The following MAN1A2 variants were observed in gnomAD, a reference collection of about 807,000 sequenced individuals.
The protein encoded by MAN1A2 is mannosidase alpha class 1A member 2.
Under a neutral mutation model 75.7 loss-of-function variants are expected in MAN1A2, and 26 were observed. The observed-to-expected ratio is 0.34, with a 90% CI of 0.25 to 0.48. MAN1A2 has a LOEUF of 0.48. Among genes scored for constraint, MAN1A2 ranks in the 20% least tolerant of loss-of-function variants. The probability of loss-of-function intolerance (pLI) is 0.99; values close to 1 mark genes in which losing one functional copy is unlikely to be tolerated. For missense variants in MAN1A2, 562 were observed against 775.5 expected, an observed-to-expected ratio of 0.72 and a Z score of 3.27; for synonymous variants, 247 against 264.6, an observed-to-expected ratio of 0.93 and a Z score of 0.65.
At chr1:117,392,144 A>G (rs1052544779) in intron 1 of MAN1A2, among the ~76,000 whole-genome samples, 7 of 152,134 alleles carry the variant, frequency 4.6e-5, no homozygotes, top group African/African-American at 1.7e-4. Flanking sequence ...AAGTACAATC[A>G]TGCCATTTTC....
rs149906906 is a variant in MAN1A2, at chr1:117,452,170, G to A, written c.951-8319G>A. ...AAAAATACAGAAACTCGCTGGGCAT[G>A]GTGGTGCATGCCTGTAATCCCAGCT... On this transcript the variant is annotated intron_variant, in intron 6 of 12. Transcript: ENST00000356554. Among the ~76,000 whole-genome samples, 583 of 152,100 alleles carry A rather than the reference G, an allele frequency of 3.8e-3. 7 individuals carry two copies. The highest frequency in any genetic ancestry group is 0.013 in the African/African-American group (554 of 41,478).
intron 5 of MAN1A2, among the ~76,000 whole-genome samples, chr1:117,422,628 G>C (rs1354247167): frequency 6.6e-6 from 1 of 152,034 alleles, no homozygotes; most frequent in East Asian, 1.9e-4. Context: ...TAGATACATA[G>C]TAGTATCTCA....
At chr1:117,368,711 G>A (rs138982690) in intron 1 of MAN1A2, among the ~76,000 whole-genome samples, 1 of 151,972 alleles carries the variant, frequency 6.6e-6, no homozygotes, top group Admixed American at 6.6e-5. Context: ...TACCTAAGTC[G>A]TTCTTCTCTT....
At chr1:117,481,090 G>C (rs756780169) in intron 8 of MAN1A2, among the ~76,000 whole-genome samples, 8 of 151,816 alleles carry the variant, frequency 5.3e-5, no homozygotes, top group Admixed American at 5.3e-4. Flanking sequence ...AGCATCCACT[G>C]TTCTGCCCAG....
chr1:117,405,067 A>G (rs1390213781), intron 2 of MAN1A2, among the ~76,000 whole-genome samples: 3 of 152,154 alleles, frequency 2.0e-5, no homozygotes, highest in Admixed American at 2.0e-4. Context: ...AATAAATAAA[A>G]TAAATTTTAA....
Position 117,443,236 on chromosome 1 carries a change from G to T in MAN1A2, c.950+911G>T, listed in dbSNP as rs143574838. Among the ~76,000 whole-genome samples, 109 of 152,232 alleles carry T rather than the reference G, an allele frequency of 7.2e-4. 1 individual carries two copies. The highest frequency in any genetic ancestry group is 2.6e-3 in the African/African-American group (108 of 41,540). ...CTTTAGTAAAATTTTTCTAATTGAA[G>T]AACTTTATTGAGTTTAGATTTACAT... is the stretch of plus-strand genomic sequence containing the variant. On this transcript the variant is annotated intron_variant, in intron 6 of 12. Transcript: ENST00000356554.
intron 5 of MAN1A2, among the ~76,000 whole-genome samples, chr1:117,429,279 G>A (rs964728410): frequency 6.4e-5 from 9 of 141,404 alleles, no homozygotes; most frequent in Non-Finnish European, 9.4e-5. Flanking sequence ...CCACAAAGCC[G>A]CCATTGTCAT....
At chr1:117,393,510 A>T (rs527730730) in intron 1 of MAN1A2, among the ~76,000 whole-genome samples, 2 of 150,936 alleles carry the variant, frequency 1.3e-5, no homozygotes, top group South Asian at 4.2e-4. Flanking sequence ...GTTTTCCTGG[A>T]TTCTCTGAAA....
intron 11 of MAN1A2, 70 bp from the exon 12 acceptor site, chr1:117,502,785 T>G: frequency 2.6e-6 from 2 of 775,824 alleles, no homozygotes; most frequent in Non-Finnish European, 4.5e-6. Context: ...CTATTGTCCT[T>G]CAAAGTTTTG....
intron 4 of MAN1A2, among the ~76,000 whole-genome samples, chr1:117,416,735 G>C (rs1191687128): frequency 1.3e-5 from 2 of 152,184 alleles, no homozygotes; most frequent in Admixed American, 6.6e-5. Context: ...ACAATGGGAA[G>C]AGGTTGGGAT....
intron 1 of MAN1A2, among the ~76,000 whole-genome samples, chr1:117,399,857 C>CT (rs773250766): frequency 4.8e-4 from 73 of 152,192 alleles, no homozygotes; most frequent in Non-Finnish European, 7.9e-4. Flanking sequence ...TGGTAGTTCC[C>CT]TTTTTTCTCT....
At chr1:117,474,081 T>A (rs1650243246) in intron 8 of MAN1A2, among the ~76,000 whole-genome samples, 1 of 152,038 alleles carries the variant, frequency 6.6e-6, no homozygotes, top group Non-Finnish European at 1.5e-5. Context: ...TGTTTAACTG[T>A]CTGGGTACAA....
chr1:117,398,684 AAAAG>A (rs1439073443), intron 1 of MAN1A2, among the ~76,000 whole-genome samples: 1 of 152,048 alleles, frequency 6.6e-6, no homozygotes, highest in Non-Finnish European at 1.5e-5. Context: ...AAAAAAAAAA[AAAAG>A]AACTGAAAGA....
chr1:117,433,040 CAT>C (rs1648725660), intron 5 of MAN1A2, among the ~76,000 whole-genome samples: 1 of 151,028 alleles, frequency 6.6e-6, no homozygotes, highest in Non-Finnish European at 1.5e-5. Context: ...TGTAATTAAT[CAT>C]ATTAATTAAC....
intron 6 of MAN1A2, among the ~76,000 whole-genome samples, chr1:117,442,783 A>G (rs756795981): frequency 7.9e-5 from 12 of 152,160 alleles, no homozygotes; most frequent in South Asian, 2.1e-4. Flanking sequence ...ATTAAAGATA[A>G]AGAAAGACGT....
chr1:117,421,613 AT>A (rs1648201670), intron 5 of MAN1A2, among the ~76,000 whole-genome samples: 1 of 151,598 alleles, frequency 6.6e-6, no homozygotes, highest in Non-Finnish European at 1.5e-5. Context: ...AGAGTGAGCT[AT>A]TTATGTACTA....
chr1:117,527,707 A>G lies in MAN1A2; in HGVS notation c.*4750A>G, dbSNP rs867651482. ...GGTCTGTGTATTGTCAAAATAATAT[A>G]CTCTCCAAGTTCTCCTGCTCATTGA... On this transcript the variant is annotated 3_prime_UTR_variant, in exon 13 of 13. Transcript: ENST00000356554. 2.6e-5 allele frequency: 4 copies of G among 152,044 alleles called. No individual in the cohort carries two copies. The highest frequency in any genetic ancestry group is 7.2e-5 in the African/African-American group (3 of 41,506). 9.4% of individuals were successfully genotyped at this position (152,044 alleles called of 1,614,324 possible).
chr1:117,370,903 T>C (rs1415266041), intron 1 of MAN1A2, among the ~76,000 whole-genome samples: 1 of 152,182 alleles, frequency 6.6e-6, no homozygotes, highest in Admixed American at 6.5e-5. Flanking sequence ...AATAGATTAG[T>C]ATAATAATTT....
chr1:117,491,923 T>G (rs1650893513), intron 8 of MAN1A2, among the ~76,000 whole-genome samples: 1 of 152,038 alleles, frequency 6.6e-6, no homozygotes, highest in African/African-American at 2.4e-5. Context: ...AAGATAGGAC[T>G]GAGTTACTGC....
Sources: allele counts gnomAD v4.1 joint callset (sites outside exome capture counted in the v4.1 genomes callset), GRCh38; gene constraint gnomAD v4.1.1; transcripts MANE v1.5; gene names NCBI Gene and HGNC (gene_info 2026-07-23, HGNC 2026-07-21).